The following SNX1 variants were observed in gnomAD, a reference collection of about 807,000 sequenced individuals.
SNX1 encodes sorting nexin-1.
In SNX1, 36 loss-of-function variants were observed where a neutral mutation model predicts 71.8. The observed-to-expected ratio is 0.50, with a 90% CI of 0.38 to 0.66. SNX1 has a LOEUF of 0.66. SNX1 is among the 30% of genes least tolerant of loss of function. The pLI is 0.00. For missense variants in SNX1, 612 were observed against 646.7 expected, an observed-to-expected ratio of 0.95 and a Z score of 0.58; for synonymous variants, 254 against 240.7, an observed-to-expected ratio of 1.06 and a Z score of -0.51.
In SNX1 at chr15:64,141,044, AGATAGATTGATT is replaced by A. The variant is rs1567337332; in HGVS notation, c.*3430_*3441del. ...AGATAGATGATAGATATAGATAGAT[AGATAGATTGATT>A]GATTTGTAGAAACAAGATAGGTTAG... On this transcript the variant is annotated 3_prime_UTR_variant, in exon 15 of 15. Coordinates refer to ENST00000559844, the MANE Select transcript of SNX1 (RefSeq NM_003099.5). This position sits in a 1 kb window ranked among gnomAD's most constrained non-coding sequence, Gnocchi z 5.1. 1.4e-5 allele frequency: 2 copies of A among 143,706 alleles called. No homozygotes were observed. Among genetic ancestry groups the A allele is most frequent in the African/African-American group, 5.5e-5 (2 of 36,210 alleles). The allele number at this position is 143,706 out of a possible 1,614,324, so 8.9% of individuals were successfully genotyped here.
chr15:64,115,345 G>C (rs2081118057), intron 2 of SNX1, among the ~76,000 whole-genome samples: 1 of 152,200 alleles, frequency 6.6e-6, no homozygotes, highest in South Asian at 2.1e-4. Context: ...TAGGACTTCA[G>C]TAGCTTCTCA....
At chr15:64,118,696 A>G in intron 3 of SNX1, 92 bp from the exon 4 acceptor site, 1 of 921,024 alleles carries the variant, frequency 1.1e-6, no homozygotes, top group Non-Finnish European at 1.7e-6. Flanking sequence ...ATACATCTTG[A>G]TTTTATTAGA....
chr15:64,108,987 C>CAA (rs57979534), intron 1 of SNX1, among the ~76,000 whole-genome samples: 4 of 101,022 alleles, frequency 4.0e-5, no homozygotes, highest in Non-Finnish European at 4.5e-5. Flanking sequence ...GATTCCATCT[C>CAA]AAAAAAAAAA....
intron 1 of SNX1, among the ~76,000 whole-genome samples, chr15:64,109,617 C>T (rs1389127298): frequency 6.6e-6 from 1 of 151,978 alleles, no homozygotes; most frequent in Admixed American, 6.6e-5. Context: ...AGCAGTTCTC[C>T]CTGCCTCAAC....
chr15:64,120,035 A>G (rs1825598415), intron 4 of SNX1, among the ~76,000 whole-genome samples: 1 of 152,198 alleles, frequency 6.6e-6, no homozygotes, highest in African/African-American at 2.4e-5. Flanking sequence ...TTGGATTTTT[A>G]GGATGGCTTT....
intron 8 of SNX1, among the ~76,000 whole-genome samples, chr15:64,128,237 G>A (rs1290230314): frequency 6.6e-6 from 1 of 152,322 alleles, no homozygotes; most frequent in East Asian, 1.9e-4. Context: ...AGTCATGATT[G>A]TCAAAAACTG....
chr15:64,100,374 G>A (rs1383003734), intron 1 of SNX1, among the ~76,000 whole-genome samples: 1 of 152,004 alleles, frequency 6.6e-6, no homozygotes, highest in African/African-American at 2.4e-5. Context: ...GGCCGAGGCG[G>A]GCGTATCACA....
intron 10 of SNX1, 43 bp from the exon 11 acceptor site, chr15:64,131,644 T>G: frequency 6.3e-7 from 1 of 1,591,080 alleles, no homozygotes; most frequent in Non-Finnish European, 8.6e-7. Flanking sequence ...TCCCTTTTCC[T>G]TGTGAGATCA....
chr15:64,138,324 T>A lies in SNX1; in HGVS notation c.*706T>A. On this transcript the variant is annotated 3_prime_UTR_variant, in exon 15 of 15. Transcript: ENST00000559844. Reference sequence around the variant, plus strand: ...AAAGGAGGCAGAGACTTTCTCTCTCTCTTTTTTTTTTTTTTTTGGTGTCCC... The same window carrying A: ...AAAGGAGGCAGAGACTTTCTCTCTCACTTTTTTTTTTTTTTTTGGTGTCCC... The A allele has an allele frequency of 4.6e-5, 31 of 668,978 alleles. No individual in the cohort carries two copies. The highest frequency in any genetic ancestry group is 6.5e-5 in the Non-Finnish European group (30 of 463,216). 41.4% of individuals were successfully genotyped at this position (668,978 alleles called of 1,614,324 possible).
intron 12 of SNX1, among the ~76,000 whole-genome samples, 187 bp from the exon 13 acceptor site, chr15:64,136,143 C>G (rs1487467063): frequency 6.6e-6 from 1 of 152,124 alleles, no homozygotes; most frequent in African/African-American, 2.4e-5. Context: ...CCAGTCAGCC[C>G]CTAAAGTAGC....
Position 64,096,129 on chromosome 15 carries a change from G to T in SNX1, c.116G>T (p.Ser39Ile). 6.4e-7 allele frequency: 1 copy of T among 1,556,366 alleles called. No individual in the cohort carries two copies. The highest frequency in any genetic ancestry group is 1.4e-5 in the African/African-American group (1 of 73,684). The change falls in exon 1 of 15, where the codon AGC becomes ATC. Residue 39 changes from serine to isoleucine, a missense_variant. Transcript: ENST00000559844. ...AGGSEPEAGD[S>I]DTEGEDIFTG... Reference sequence around the variant, plus strand: ...GGATCAGAACCCGAGGCTGGGGACAGCGACACCGAGGGGGAGGACATTTTC... The same window carrying T: ...GGATCAGAACCCGAGGCTGGGGACATCGACACCGAGGGGGAGGACATTTTC...
intron 1 of SNX1, among the ~76,000 whole-genome samples, chr15:64,106,439 A>G (rs1378787198): frequency 6.6e-6 from 1 of 152,238 alleles, no homozygotes; most frequent in African/African-American, 2.4e-5. Context: ...CATCTGTGCC[A>G]GTTTTGAAAC....
At chr15:64,130,572 C>G (rs1429451215) in intron 10 of SNX1, among the ~76,000 whole-genome samples, 3 of 152,150 alleles carry the variant, frequency 2.0e-5, no homozygotes, top group Non-Finnish European at 4.4e-5. Context: ...ACAGCATGAC[C>G]TGGGATATGG....
intron 1 of SNX1, among the ~76,000 whole-genome samples, chr15:64,102,514 C>A (rs1313770163): frequency 6.6e-6 from 1 of 152,134 alleles, no homozygotes; most frequent in Non-Finnish European, 1.5e-5. Flanking sequence ...CATTAACCAA[C>A]TTCTCCTCAT....
Position 64,140,971 on chromosome 15 carries a change from A to G in SNX1, c.*3353A>G, listed in dbSNP as rs1190886918. ...CATTGCCTCTAGGCTCTCACCATAC[A>G]GTGCAAAGAGATGATAGATAGATAG... On this transcript the variant is annotated 3_prime_UTR_variant, in exon 15 of 15. Coordinates refer to ENST00000559844, the MANE Select transcript of SNX1 (RefSeq NM_003099.5). 1 of 57,772 alleles carries G rather than the reference A, an allele frequency of 1.7e-5. No homozygotes were observed. Among genetic ancestry groups the G allele is most frequent in the Non-Finnish European group, 3.8e-5 (1 of 26,210 alleles). 3.6% of individuals were successfully genotyped at this position (57,772 alleles called of 1,614,324 possible).
At chr15:64,121,142 A>T (rs115343966) in intron 4 of SNX1, among the ~76,000 whole-genome samples, 76 of 152,368 alleles carry the variant, frequency 5.0e-4, no homozygotes, top group African/African-American at 1.7e-3. Flanking sequence ...GTGGAATAAG[A>T]TGAATGAATG....
intron 1 of SNX1, among the ~76,000 whole-genome samples, chr15:64,103,483 A>C (rs1273620932): frequency 4.6e-5 from 7 of 152,154 alleles, no homozygotes; most frequent in African/African-American, 1.7e-4. Context: ...TCTCATGAAA[A>C]TTGTATGGTT....
chr15:64,116,420 C>T (rs1468178058), intron 2 of SNX1, among the ~76,000 whole-genome samples: 1 of 152,102 alleles, frequency 6.6e-6, no homozygotes, highest in Non-Finnish European at 1.5e-5. Flanking sequence ...TTTTATACTC[C>T]CACCCCAGAG....
chr15:64,119,936 G>A (rs2081178372), intron 4 of SNX1, among the ~76,000 whole-genome samples: 1 of 152,120 alleles, frequency 6.6e-6, no homozygotes, highest in Admixed American at 6.5e-5. Flanking sequence ...CTTATGAGGT[G>A]GGGAAGTCTA....
Sources: gnomAD v4.1 joint callset for allele counts (sites outside exome capture counted in the v4.1 genomes callset) on GRCh38, gnomAD v4.1.1 for gene constraint, Gnocchi (gnomAD v3.1) non-coding constraint, MANE v1.5 for transcripts, NCBI Gene and HGNC (gene_info 2026-07-23, HGNC 2026-07-21) for gene names.